LRRC14: variants seen among roughly 807,000 people sequenced by gnomAD.
The protein encoded by LRRC14 is leucine-rich repeat-containing protein 14.
LRRC14 carries 16 observed loss-of-function variants against 25.3 expected under a neutral mutation model. The ratio of observed to expected loss-of-function variants is 0.63; its 90% confidence interval spans 0.43 to 0.96. The LOEUF is 0.96. LRRC14 is among the 40% of genes least tolerant of loss of function. LRRC14 has a pLI of 0.00. For missense variants in LRRC14, 594 were observed against 660.5 expected (o/e 0.90, Z 1.10); for synonymous variants, 359 against 295.1 (o/e 1.22, Z -2.22).
intron 1 of LRRC14, chr8:144,518,338 G>A: frequency 6.6e-6 from 1 of 152,144 alleles, no homozygotes; most frequent in Admixed American, 6.5e-5. Context: ...CGCCTCCCGC[G>A]GCTCGAGGCC....
chr8:144,523,472 G>C lies in LRRC14; in HGVS notation c.*1994G>C. 2 of 1,488,302 alleles carry C rather than the reference G, an allele frequency of 1.3e-6. No homozygotes were observed. Among genetic ancestry groups the C allele is most frequent in the South Asian group, 2.7e-5 (2 of 73,364 alleles). The allele number at this position is 1,488,302 out of a possible 1,614,324, so 92.2% of individuals were successfully genotyped here. ...GCTGCTAAAACAGCCTGTGCAGTTG[G>C]GGTTTTGCAGGCCAGGACAGAGGCC... On this transcript the variant is annotated 3_prime_UTR_variant, in exon 4 of 4. Transcript: ENST00000292524.
Position 144,523,255 on chromosome 8 carries a change from G to C in LRRC14, c.*1777G>C. On this transcript the variant is annotated 3_prime_UTR_variant, in exon 4 of 4. Coordinates refer to ENST00000292524, the MANE Select transcript of LRRC14 (RefSeq NM_014665.4). ...GGACAGAGGGCGGAATGCAGATGAG[G>C]CTGCTGTGGGATACGTCCAGGAGAC... 6.2e-7 allele frequency: 1 copy of C among 1,610,652 alleles called. No homozygotes were observed. Among genetic ancestry groups the C allele is most frequent in the African/African-American group, 1.3e-5 (1 of 75,030 alleles).
In LRRC14 at chr8:144,522,309, C is replaced by G; in HGVS notation, c.*831C>G. On this transcript the variant is annotated 3_prime_UTR_variant, in exon 4 of 4. Coordinates refer to ENST00000292524, the MANE Select transcript of LRRC14 (RefSeq NM_014665.4). ...TTCAAGGGAGGTGTTGGGGCCTCCC[C>G]GGCCACCTTCCATTGCTACCCCAGG... is the stretch of plus-strand genomic sequence containing the variant. 4 of 1,080,760 alleles carry G rather than the reference C, an allele frequency of 3.7e-6. No individual in the cohort carries two copies. The highest frequency in any genetic ancestry group is 2.2e-5 in the South Asian group (1 of 45,040). The allele number at this position is 1,080,760 out of a possible 1,614,324, so 66.9% of individuals were successfully genotyped here.
chr8:144,519,746 G>A lies in LRRC14; in HGVS notation c.21G>A (p.Leu7=), dbSNP rs758526857. 44 of 1,612,386 alleles carry A rather than the reference G, an allele frequency of 2.7e-5. No individual in the cohort carries two copies. Among genetic ancestry groups the A allele is most frequent in the Admixed American group, 3.3e-5 (2 of 59,896 alleles). The change falls in exon 2 of 4, where the codon TTG becomes TTA. Residue 7 remains leucine (L), a synonymous_variant. Transcript: ENST00000292524. ...GCACCATGCACACGCTTGTGTTCTT[G>A]AGCACACGGCAGGTGCTGCAGTGCC... MHTLVF[L]STRQVLQCQP...
In LRRC14 at chr8:144,519,924, G is replaced by C; in HGVS notation, c.199G>C (p.Glu67Gln). The C allele has an allele frequency of 6.2e-7, 1 of 1,613,300 alleles. No homozygotes were observed. The highest frequency in any genetic ancestry group is 8.5e-7 in the Non-Finnish European group (1 of 1,180,040). The change falls in exon 2 of 4, where the codon GAG becomes CAG. Residue 67 changes from glutamate (E) to glutamine (Q), a missense_variant. Coordinates refer to ENST00000292524, the MANE Select transcript of LRRC14 (RefSeq NM_014665.4). ...GCTCAGTTTCCAGCAGCTGCTACAG[G>C]AGTGTGCCCACTGCAGCCGTGCCCT... The part of the protein sequence containing the change: ...PLLSFQQLLQ[E>Q]CAHCSRALLQ...
Position 144,520,683 on chromosome 8 carries a change from C to T in LRRC14, c.775C>T (p.His259Tyr). The part of the protein sequence containing the change: ...HLASLRLHYV[H>Y]GDSRQPSVDG... Reference sequence around the variant, plus strand: ...GGCCAGCCTGCGGCTCCACTATGTGCATGGGGATTCAAGGCAGCCCTCCGT... The same window carrying T: ...GGCCAGCCTGCGGCTCCACTATGTGTATGGGGATTCAAGGCAGCCCTCCGT... Residue 259 changes from histidine to tyrosine, a missense_variant, in exon 3 of 4, where the codon CAT (histidine) becomes TAT (tyrosine). Transcript: ENST00000292524. The T allele has an allele frequency of 6.2e-7, 1 of 1,600,816 alleles. No homozygotes were observed. Among genetic ancestry groups the T allele is most frequent in the Non-Finnish European group, 8.5e-7 (1 of 1,179,960 alleles).
Position 144,525,092 on chromosome 8 carries a change from G to A in LRRC14, c.*3614G>A. 8.6e-7 allele frequency: 1 copy of A among 1,163,184 alleles called. No individual in the cohort carries two copies. Among genetic ancestry groups the A allele is most frequent in the Non-Finnish European group, 1.1e-6 (1 of 892,390 alleles). The allele number at this position is 1,163,184 out of a possible 1,614,324, so 72.1% of individuals were successfully genotyped here. On this transcript the variant is annotated 3_prime_UTR_variant, in exon 4 of 4. Transcript: ENST00000292524. ...TCGAGAGCCAGCCAATAGATGGAAT[G>A]GAGGCCTGCACCTGCGTCTAACTTT...
rs922523094 is a variant in LRRC14, at chr8:144,522,300, G to C, written c.*822G>C. The C allele has an allele frequency of 1.8e-5, 17 of 948,208 alleles. No individual in the cohort carries two copies. In the East Asian group the frequency reaches 4.6e-4, roughly 26 times the overall value. 58.7% of individuals were successfully genotyped at this position (948,208 alleles called of 1,614,324 possible). ...CGGAAGAGCTTCAAGGGAGGTGTTG[G>C]GGCCTCCCCGGCCACCTTCCATTGC... On this transcript the variant is annotated 3_prime_UTR_variant, in exon 4 of 4. Transcript: ENST00000292524.
At position 144,519,932 on chromosome 8, in the gene LRRC14, C is replaced by G. The variant is rs1367867626; in HGVS notation, c.207C>G (p.Ala69=). ...LSFQQLLQEC[A]HCSRALLQER... ...TCCAGCAGCTGCTACAGGAGTGTGC[C>G]CACTGCAGCCGTGCCCTCCTGCAGG... The change falls in exon 2 of 4, where the codon GCC becomes GCG. Residue 69 remains alanine (A), a synonymous_variant. Coordinates refer to ENST00000292524, the MANE Select transcript of LRRC14 (RefSeq NM_014665.4). 13 of 1,613,116 alleles carry G rather than the reference C, an allele frequency of 8.1e-6. No homozygotes were observed. The highest frequency in any genetic ancestry group is 1.1e-5 in the Non-Finnish European group (13 of 1,180,034).
chr8:144,520,530 C>T lies in LRRC14; in HGVS notation c.622C>T (p.Arg208Cys), dbSNP rs148279627. Residue 208 changes from arginine (R) to cysteine (C), a missense_variant, in exon 3 of 4, where the codon CGC becomes TGC. Coordinates refer to ENST00000292524, the MANE Select transcript of LRRC14 (RefSeq NM_014665.4). ...CCTGCGAGCTGAGGACCTGCCCATG[C>T]GCAACACTGTGGCCCTGCTGCAGCT... ...RDLRAEDLPM[R>C]NTVALLQLLD... The T allele has an allele frequency of 1.4e-5, 23 of 1,599,702 alleles. No individual in the cohort carries two copies. Among genetic ancestry groups the T allele is most frequent in the African/African-American group, 8.0e-5 (6 of 74,938 alleles).
chr8:144,522,920 C>G lies in LRRC14; in HGVS notation c.*1442C>G. 2 of 1,457,972 alleles carry G rather than the reference C, an allele frequency of 1.4e-6. No homozygotes were observed. The highest frequency in any genetic ancestry group is 1.8e-6 in the Non-Finnish European group (2 of 1,112,862). The allele number at this position is 1,457,972 out of a possible 1,614,324, so 90.3% of individuals were successfully genotyped here. On this transcript the variant is annotated 3_prime_UTR_variant, in exon 4 of 4. Transcript: ENST00000292524. ...TTGCGCGGGCTGCTGCGGCTGCTGC[C>G]GGGACGCGTTGACCAGGAGCCGGAA...
chr8:144,521,135 C>T lies in LRRC14; in HGVS notation c.1139C>T (p.Thr380Ile). The T allele has an allele frequency of 6.2e-7, 1 of 1,613,124 alleles. No homozygotes were observed. Among genetic ancestry groups the T allele is most frequent in the Middle Eastern group, 1.6e-4 (1 of 6,062 alleles). ...LELTECQLAD[T>I]QLLATLPILT... is the part of the protein sequence containing the mutation. ...CTGACTGAGTGTCAGCTCGCAGACA[C>T]CCAGCTGTTGGCCACACTACCCATC... The change falls in exon 4 of 4, where the codon ACC becomes ATC. Residue 380 changes from threonine to isoleucine, a missense_variant. Physicochemically the swap from Thr to Ile is moderately conservative, Grantham distance 89 (BLOSUM62 -1). Transcript: ENST00000292524.
chr8:144,522,519 C>T lies in LRRC14; in HGVS notation c.*1041C>T, dbSNP rs1380653351. 5.3e-6 allele frequency: 8 copies of T among 1,508,806 alleles called. No individual in the cohort carries two copies. In the East Asian group the frequency reaches 1.6e-4, roughly 31 times the overall value. The allele number at this position is 1,508,806 out of a possible 1,614,324, so 93.5% of individuals were successfully genotyped here. On this transcript the variant is annotated 3_prime_UTR_variant, in exon 4 of 4. Transcript: ENST00000292524. ...GCGACCGGCGGGGGCACGCGGAGTC[C>T]CGGCCCCGCCCCCTGTTCCGGGCCG...
chr8:144,524,807 G>C lies in LRRC14; in HGVS notation c.*3329G>C. On this transcript the variant is annotated 3_prime_UTR_variant, in exon 4 of 4. Coordinates refer to ENST00000292524, the MANE Select transcript of LRRC14 (RefSeq NM_014665.4). ...ACCCCGTCCTCCCGCAGCTCCACAC[G>C]GTGCCCACCTGCGTCCCTGGCGGGA... 4 of 1,450,432 alleles carry C rather than the reference G, an allele frequency of 2.8e-6. No individual in the cohort carries two copies. The highest frequency in any genetic ancestry group is 2.7e-6 in the Non-Finnish European group (3 of 1,104,210). 89.8% of individuals were successfully genotyped at this position (1,450,432 alleles called of 1,614,324 possible). A position where few individuals can be genotyped will look rare whatever the true frequency, so the allele number is the denominator to read the frequency against.
chr8:144,522,947 G>C lies in LRRC14; in HGVS notation c.*1469G>C. On this transcript the variant is annotated 3_prime_UTR_variant, in exon 4 of 4. Transcript: ENST00000292524. Reference sequence around the variant, plus strand: ...GGACGCGTTGACCAGGAGCCGGAAGGGCACGCGGGCAGCGCCGCCGGCGTT... The same window carrying C: ...GGACGCGTTGACCAGGAGCCGGAAGCGCACGCGGGCAGCGCCGCCGGCGTT... The C allele has an allele frequency of 6.4e-7, 1 of 1,569,246 alleles. No homozygotes were observed. Among genetic ancestry groups the C allele is most frequent in the East Asian group, 2.4e-5 (1 of 41,932 alleles).
chr8:144,523,880 C>T lies in LRRC14; in HGVS notation c.*2402C>T, dbSNP rs1233440449. ...CTAAAAGTGTGCAGAACCCTCAATTCTGTTAAGTCACCCTGTGGAGTTCCT... is the reference window on the plus strand; with the variant it reads ...CTAAAAGTGTGCAGAACCCTCAATTTTGTTAAGTCACCCTGTGGAGTTCCT... On this transcript the variant is annotated 3_prime_UTR_variant, in exon 4 of 4. Coordinates refer to ENST00000292524, the MANE Select transcript of LRRC14 (RefSeq NM_014665.4). 3 of 574,430 alleles carry T rather than the reference C, an allele frequency of 5.2e-6. No individual in the cohort carries two copies. The highest frequency in any genetic ancestry group is 1.9e-5 in the African/African-American group (1 of 53,340). The allele number at this position is 574,430 out of a possible 1,614,324, so 35.6% of individuals were successfully genotyped here.
chr8:144,523,152 G>T lies in LRRC14; in HGVS notation c.*1674G>T. On this transcript the variant is annotated 3_prime_UTR_variant, in exon 4 of 4. Coordinates refer to ENST00000292524, the MANE Select transcript of LRRC14 (RefSeq NM_014665.4). Reference sequence around the variant, plus strand: ...GGCACCTTTCTCCAGGTCACCAATGGCTGCGGGTAGCCGGAGGCTTGGCAG... The same window carrying T: ...GGCACCTTTCTCCAGGTCACCAATGTCTGCGGGTAGCCGGAGGCTTGGCAG... 1 of 1,610,810 alleles carries T rather than the reference G, an allele frequency of 6.2e-7. No homozygotes were observed. The highest frequency in any genetic ancestry group is 8.5e-7 in the Non-Finnish European group (1 of 1,179,358).
Position 144,521,465 on chromosome 8 carries a change from A to G in LRRC14, c.1469A>G (p.Tyr490Cys). 1 of 1,599,516 alleles carries G rather than the reference A, an allele frequency of 6.3e-7. No individual in the cohort carries two copies. The highest frequency in any genetic ancestry group is 1.1e-5 in the South Asian group (1 of 90,974). The change falls in exon 4 of 4, where the codon TAC becomes TGC. Residue 490 changes from tyrosine to cysteine, a missense_variant. Tyr to Cys is a radical substitution (Grantham distance 194). Coordinates refer to ENST00000292524, the MANE Select transcript of LRRC14 (RefSeq NM_014665.4). ...TDIYGRLAADYFSL is the reference protein window; with the variant it reads ...TDIYGRLAADCFSL ...ATCTACGGGCGACTGGCTGCGGACT[A>G]CTTCAGCCTATGATGAAGTAGCTCT...
chr8:144,524,337 T>C lies in LRRC14; in HGVS notation c.*2859T>C. 3.1e-6 allele frequency: 5 copies of C among 1,599,562 alleles called. No individual in the cohort carries two copies. Among genetic ancestry groups the C allele is most frequent in the Non-Finnish European group, 4.2e-6 (5 of 1,178,622 alleles). On this transcript the variant is annotated 3_prime_UTR_variant, in exon 4 of 4. Coordinates refer to ENST00000292524, the MANE Select transcript of LRRC14 (RefSeq NM_014665.4). ...GGCGCCGAGGTTGGGGGCATGTCTC[T>C]CTTCTTACCAAGCTAGACTGGGTTG...
Sources: gnomAD v4.1 joint callset for allele counts on GRCh38, gnomAD v4.1.1 for gene constraint, MANE v1.5 for transcripts, NCBI Gene and HGNC (gene_info 2026-07-23, HGNC 2026-07-21) for gene names.